The following ZNF207 variants were observed in gnomAD, a reference collection of about 807,000 sequenced individuals.
ZNF207 encodes the protein BUB3-interacting and GLEBS motif-containing protein ZNF207.
A neutral mutation model predicts 60.2 loss-of-function variants in ZNF207; 24 were observed. The observed-to-expected ratio is 0.40, with a 90% confidence interval of 0.29 to 0.56. The LOEUF (loss-of-function observed/expected upper bound fraction) is 0.56. Among genes scored for constraint, ZNF207 ranks in the 20% least tolerant of loss-of-function variants. The pLI is 0.49. For synonymous variants in ZNF207, 236 were observed against 194.7 expected, an observed-to-expected ratio of 1.21 and a Z score of -1.77; for missense variants, 452 against 636.6, an observed-to-expected ratio of 0.71 and a Z score of 3.12.
At chr17:32,357,351 A>ATTATTATTATTTTTTTTT (rs1363194053) in intron 2 of ZNF207, among the ~76,000 whole-genome samples, 1 of 74,028 alleles carries the variant, frequency 1.4e-5, no homozygotes, top group African/African-American at 5.6e-5. Context: ...TATTATTATT[A>ATTATTATTATTTTTTTTT]TTTTTTTTTT....
At chr17:32,357,032 A>G (rs1002496856) in intron 2 of ZNF207, among the ~76,000 whole-genome samples, 4 of 152,086 alleles carry the variant, frequency 2.6e-5, no homozygotes, top group African/African-American at 9.7e-5. Flanking sequence ...AAATACAAAA[A>G]TTAGCCAGGC....
rs181575867 is a variant in ZNF207 at position 32,376,659 on chromosome 17, A to G, written c.*6900A>G. 3.6e-4 allele frequency: 55 copies of G among 152,212 alleles called. No homozygotes were observed. Among genetic ancestry groups the G allele is most frequent in the African/African-American group, 1.3e-3 (52 of 41,574 alleles). The allele number at this position is 152,212 out of a possible 1,614,324, so 9.4% of individuals were successfully genotyped here. ...AACTATTCCTATTTGAAGCAAATTG[A>G]ACACTATTATAAATCTAGACTGGCT... On this transcript the variant is annotated 3_prime_UTR_variant, in exon 12 of 12. Transcript: ENST00000394670.
chr17:32,358,755 C>T, intron 3 of ZNF207, 114 bp downstream of exon 3: 1 of 770,224 alleles, frequency 1.3e-6, no homozygotes. Flanking sequence ...GTGATCTGGG[C>T]TCTCTGCATC....
intron 9 of ZNF207, among the ~76,000 whole-genome samples, 168 bp from the exon 10 acceptor site, chr17:32,367,604 A>G (rs558889117): frequency 2.0e-4 from 30 of 151,988 alleles, no homozygotes; most frequent in African/African-American, 5.8e-4. Flanking sequence ...TGATATTTTT[A>G]TGGGTTATCT....
chr17:32,378,393 C>T lies in ZNF207; in HGVS notation c.*8634C>T, dbSNP rs751360800. The T allele has an allele frequency of 6.6e-6, 1 of 152,004 alleles. No individual in the cohort carries two copies. Among genetic ancestry groups the T allele is most frequent in the East Asian group, 1.9e-4 (1 of 5,194 alleles). The allele number at this position is 152,004 out of a possible 1,614,324, so 9.4% of individuals were successfully genotyped here. A position where few individuals can be genotyped will look rare whatever the true frequency, so the allele number is the denominator to read the frequency against. On this transcript the variant is annotated 3_prime_UTR_variant, in exon 12 of 12. Coordinates refer to ENST00000394670, the MANE Select transcript of ZNF207 (RefSeq NM_001098507.2). ...CAACCTAAGAAAAAAGGCAAGTTTCCTCACATCTAGAAATGATAAATGGTG... is the reference window on the plus strand; with the variant it reads ...CAACCTAAGAAAAAAGGCAAGTTTCTTCACATCTAGAAATGATAAATGGTG...
intron 8 of ZNF207, among the ~76,000 whole-genome samples, chr17:32,366,144 A>T (rs550851761): frequency 6.6e-6 from 1 of 152,130 alleles, no homozygotes; most frequent in African/African-American, 2.4e-5. Flanking sequence ...ATCGGGATGT[A>T]TGTTTATTCA....
At chr17:32,365,913 A>G (rs376248672) in intron 8 of ZNF207, among the ~76,000 whole-genome samples, 2 of 152,288 alleles carry the variant, frequency 1.3e-5, no homozygotes, top group African/African-American at 4.8e-5. Flanking sequence ...ATGAGCTACA[A>G]TGCCGCACTT....
At chr17:32,355,625 C>T (rs1041968115) in intron 2 of ZNF207, among the ~76,000 whole-genome samples, 2 of 152,074 alleles carry the variant, frequency 1.3e-5, no homozygotes, top group East Asian at 1.9e-4. Flanking sequence ...TAGTTTAAGC[C>T]GCGCTACCAG....
At chr17:32,361,039 G>A in intron 5 of ZNF207, 72 bp downstream of exon 5, 1 of 1,494,796 alleles carries the variant, frequency 6.7e-7, no homozygotes, top group Non-Finnish European at 9.2e-7. Flanking sequence ...GATGTTATAT[G>A]AATGAAATGT....
rs1339845752 is a variant in ZNF207, at chr17:32,367,975, A to G, written c.1125A>G (p.Ala375=). ...CTGCTACACTTACAACAACTAGTGC[A>G]ACCAGTAAGTTGATCCATCCAGATG... ...SKPATLTTTS[A]TSKLIHPDED... The change falls in exon 10 of 12, where the codon GCA becomes GCG. Residue 375 remains alanine (A), a synonymous_variant. Transcript: ENST00000394670. 2 of 1,614,094 alleles carry G rather than the reference A, an allele frequency of 1.2e-6. No homozygotes were observed. The highest frequency in any genetic ancestry group is 1.7e-6 in the Non-Finnish European group (2 of 1,180,032).
In ZNF207 at chr17:32,367,238, A is replaced by AC. The variant is rs1567824631; in HGVS notation, c.921+481_921+482insC. ...TCCAGCCATTGTTAATTTGGAGGGG[A>AC]TTATATATATATATATATATATATA... On this transcript the variant is annotated intron_variant, in intron 9 of 11. Coordinates refer to ENST00000394670, the MANE Select transcript of ZNF207 (RefSeq NM_001098507.2). Among the ~76,000 whole-genome samples the AC allele has an allele frequency of 1.3e-3, 41 of 32,318 alleles. 1 individual carries two copies. Among genetic ancestry groups the AC allele is most frequent in the Middle Eastern group, 0.037 (2 of 54 alleles). The allele number at this position is 32,318 out of a possible 152,430, so 21.2% of individuals were successfully genotyped here. A position where few individuals can be genotyped will look rare whatever the true frequency, so the allele number is the denominator to read the frequency against.
At chr17:32,356,936 CT>C (rs1179172087) in intron 2 of ZNF207, among the ~76,000 whole-genome samples, 1 of 152,158 alleles carries the variant, frequency 6.6e-6, no homozygotes, top group African/African-American at 2.4e-5. Flanking sequence ...TAACCCAGCA[CT>C]TTAGGACACT....
In ZNF207 at chr17:32,367,974, C is replaced by A; in HGVS notation, c.1124C>A (p.Ala375Glu). The change falls in exon 10 of 12, where the codon GCA becomes GAA. Residue 375 changes from alanine (A) to glutamate (E), a missense_variant. This residue lies in a region of ZNF207 where 390 missense variants were observed against 461.4 expected (regional missense o/e 0.85). Transcript: ENST00000394670. ...SKPATLTTTS[A>E]TSKLIHPDED... ...CCTGCTACACTTACAACAACTAGTGCAACCAGTAAGTTGATCCATCCAGAT... is the reference window on the plus strand; with the variant it reads ...CCTGCTACACTTACAACAACTAGTGAAACCAGTAAGTTGATCCATCCAGAT... 1 of 1,614,202 alleles carries A rather than the reference C, an allele frequency of 6.2e-7. No homozygotes were observed. The highest frequency in any genetic ancestry group is 8.5e-7 in the Non-Finnish European group (1 of 1,180,036).
chr17:32,363,331 A>T (rs1422075128), intron 7 of ZNF207, among the ~76,000 whole-genome samples: 1 of 151,692 alleles, frequency 6.6e-6, no homozygotes, highest in Non-Finnish European at 1.5e-5. Flanking sequence ...CAGGTGATCC[A>T]CCCACCTTGG....
rs1452452994 is a variant in ZNF207, at chr17:32,372,976, C to T, written c.*3217C>T. On this transcript the variant is annotated 3_prime_UTR_variant, in exon 12 of 12. Transcript: ENST00000394670. ...CACCCCTTTTAGAAAAACAAGAAAA[C>T]ATTTTGTCTGGCACTAGTTTCTGTT... 1 of 153,116 alleles carries T rather than the reference C, an allele frequency of 6.5e-6. No homozygotes were observed. Among genetic ancestry groups the T allele is most frequent in the Non-Finnish European group, 1.5e-5 (1 of 68,728 alleles). 9.5% of individuals were successfully genotyped at this position (153,116 alleles called of 1,614,324 possible). A position where few individuals can be genotyped will look rare whatever the true frequency, so the allele number is the denominator to read the frequency against.
rs1905388344 is a variant in ZNF207 at position 32,369,888 on chromosome 17, G to C, written c.*129G>C. 1 of 1,035,894 alleles carries C rather than the reference G, an allele frequency of 9.7e-7. No homozygotes were observed. Among genetic ancestry groups the C allele is most frequent in the Non-Finnish European group, 1.3e-6 (1 of 790,124 alleles). The allele number at this position is 1,035,894 out of a possible 1,614,324, so 64.2% of individuals were successfully genotyped here. A position where few individuals can be genotyped will look rare whatever the true frequency, so the allele number is the denominator to read the frequency against. Reference sequence around the variant, plus strand: ...CAAACATTATCTTCCCACATACCAGGAACTATTGGACATTTATTTTACATG... The same window carrying C: ...CAAACATTATCTTCCCACATACCAGCAACTATTGGACATTTATTTTACATG... On this transcript the variant is annotated 3_prime_UTR_variant, in exon 12 of 12. Coordinates refer to ENST00000394670, the MANE Select transcript of ZNF207 (RefSeq NM_001098507.2).
intron 2 of ZNF207, among the ~76,000 whole-genome samples, chr17:32,352,286 A>G (rs1256823333): frequency 6.6e-6 from 1 of 151,750 alleles, no homozygotes; most frequent in East Asian, 1.9e-4. Flanking sequence ...ATAATCATTT[A>G]TTTCTCTGAC....
Position 32,363,002 on chromosome 17 carries a change from T to A in ZNF207, c.670+18T>A. 6.2e-7 allele frequency: 1 copy of A among 1,607,940 alleles called. No homozygotes were observed. Among genetic ancestry groups the A allele is most frequent in the Non-Finnish European group, 8.5e-7 (1 of 1,175,848 alleles). ...GCCACCAGGTATATGTTAGATAATT[T>A]CATTTTAATATGATGTACAGGCTTT... On this transcript the variant is annotated intron_variant, in intron 7 of 11. Transcript: ENST00000394670.
Position 32,375,560 on chromosome 17 carries a change from AT to A in ZNF207, c.*5802del, listed in dbSNP as rs1326344368. ...TCAGACAAATAAGATTTTGAGAATT[AT>A]GTAGTTTTTAGGTGTCTGTAACATC... On this transcript the variant is annotated 3_prime_UTR_variant, in exon 12 of 12. Coordinates refer to ENST00000394670, the MANE Select transcript of ZNF207 (RefSeq NM_001098507.2). 6.6e-6 allele frequency: 1 copy of A among 152,098 alleles called. No homozygotes were observed. Among genetic ancestry groups the A allele is most frequent in the Non-Finnish European group, 1.5e-5 (1 of 67,932 alleles). 9.4% of individuals were successfully genotyped at this position (152,098 alleles called of 1,614,324 possible). A position where few individuals can be genotyped will look rare whatever the true frequency, so the allele number is the denominator to read the frequency against.
Sources: allele counts gnomAD v4.1 joint callset (sites outside exome capture counted in the v4.1 genomes callset), GRCh38; gene constraint gnomAD v4.1.1; regional missense constraint gnomAD v4.1.1; transcripts MANE v1.5; gene names NCBI Gene and HGNC (gene_info 2026-07-23, HGNC 2026-07-21).